Variants in AGBL1 observed in about 807,000 individuals in gnomAD.
The protein encoded by AGBL1 is cytosolic carboxypeptidase 4.
AGBL1 carries 130 observed loss-of-function variants against 118.9 expected under a neutral mutation model. The observed-to-expected ratio is 1.09, with a 90% CI of 0.95 to 1.26. The LOEUF is 1.26. Ranked by LOEUF, AGBL1 falls within the 50% of genes most tolerant of loss-of-function variation. The probability of loss-of-function intolerance (pLI) is 0.00; values close to 1 mark genes in which losing one functional copy is unlikely to be tolerated. For missense variants in AGBL1, 1,584 were observed against 1,298.1 expected, an observed-to-expected ratio of 1.22 and a Z score of -3.38; for synonymous variants, 555 against 478.9, an observed-to-expected ratio of 1.16 and a Z score of -2.08.
intron 22 of AGBL1, among the ~76,000 whole-genome samples, chr15:86,879,233 T>C (rs186330802): frequency 2.0e-5 from 3 of 152,326 alleles, no homozygotes; most frequent in Admixed American, 2.0e-4. Flanking sequence ...CTAATTTTCA[T>C]TTATGCCAAT....
intron 21 of AGBL1, among the ~76,000 whole-genome samples, chr15:86,591,376 G>A (rs888071222): frequency 6.6e-6 from 1 of 152,150 alleles, no homozygotes; most frequent in African/African-American, 2.4e-5. Context: ...AGTGCCAGAT[G>A]CCACAGATCA....
intron 22 of AGBL1, among the ~76,000 whole-genome samples, chr15:86,770,644 G>A (rs1336343941): frequency 6.6e-6 from 1 of 151,900 alleles, no homozygotes; most frequent in Non-Finnish European, 1.5e-5. Context: ...GGTGAGTTTT[G>A]AGCTGAACTT....
chr15:86,666,109 T>C (rs10852078), intron 21 of AGBL1, among the ~76,000 whole-genome samples: 64,820 of 151,860 alleles, frequency 0.43, 14,252 homozygotes, highest in East Asian at 0.72. Context: ...TCCCCAGTGG[T>C]GTTCTGATTT....
intron 5 of AGBL1, among the ~76,000 whole-genome samples, chr15:86,211,290 G>T (rs1048609265): frequency 1.3e-5 from 2 of 152,200 alleles, no homozygotes; most frequent in African/African-American, 4.8e-5. Context: ...GCTACACAGG[G>T]GTCAGGGATC....
At chr15:86,254,152 C>T (rs74025057) in intron 7 of AGBL1, among the ~76,000 whole-genome samples, 1,882 of 152,312 alleles carry the variant, frequency 0.012, 48 homozygotes, top group African/African-American at 0.044. Context: ...CTCTGCTCTG[C>T]GTAGCAGTGA....
chr15:86,180,613 A>G (rs887264673), intron 5 of AGBL1, among the ~76,000 whole-genome samples: 9 of 152,136 alleles, frequency 5.9e-5, no homozygotes, highest in African/African-American at 2.2e-4. Flanking sequence ...ATCTTCAGCT[A>G]GGCAAAAATT....
intron 21 of AGBL1, among the ~76,000 whole-genome samples, chr15:86,662,571 A>C (rs1293200344): frequency 6.6e-6 from 1 of 152,134 alleles, no homozygotes; most frequent in Non-Finnish European, 1.5e-5. Context: ...CTGGTCTATG[A>C]GCTTTTGATT....
intron 16 of AGBL1, among the ~76,000 whole-genome samples, chr15:86,293,306 C>T (rs944590133): frequency 1.1e-4 from 16 of 152,102 alleles, no homozygotes; most frequent in African/African-American, 3.4e-4. Context: ...TCTCACTGGG[C>T]GAAGACCAGG....
At chr15:86,110,663 T>C (rs1897324307) in intron 1 of AGBL1, among the ~76,000 whole-genome samples, 1 of 152,178 alleles carries the variant, frequency 6.6e-6, no homozygotes, top group Non-Finnish European at 1.5e-5. Flanking sequence ...AAGAACTAGC[T>C]GTGTGACCTA....
At chr15:86,646,137 T>G (rs1305044137) in intron 21 of AGBL1, among the ~76,000 whole-genome samples, 1 of 150,496 alleles carries the variant, frequency 6.6e-6, no homozygotes, top group African/African-American at 2.4e-5. Context: ...GCTGAATCAT[T>G]TACTTTTTCT....
chr15:86,473,403 G>A (rs1004792003), intron 18 of AGBL1, among the ~76,000 whole-genome samples: 1 of 152,068 alleles, frequency 6.6e-6, no homozygotes, highest in Non-Finnish European at 1.5e-5. Flanking sequence ...TTGATTTCCA[G>A]TAAATACAAA....
At chr15:86,617,092 C>G in intron 21 of AGBL1, among the ~76,000 whole-genome samples, 1 of 152,166 alleles carries the variant, frequency 6.6e-6, no homozygotes, top group South Asian at 2.1e-4. Context: ...TCCTCAAGTC[C>G]CTTCTTAGCC....
intron 17 of AGBL1, among the ~76,000 whole-genome samples, chr15:86,326,305 A>G (rs1213715935): frequency 6.6e-6 from 1 of 152,190 alleles, no homozygotes; most frequent in East Asian, 1.9e-4. Context: ...ATCAGTCTAC[A>G]CTAGCCATGA....
At chr15:86,088,261 C>G (rs1334018486) in intron 1 of AGBL1, 2 of 152,230 alleles carry the variant, frequency 1.3e-5, no homozygotes, top group Non-Finnish European at 2.9e-5. Context: ...TGATGGAGCA[C>G]GAGGTGGTAA....
At chr15:86,300,606 G>C (rs1347561439) in intron 17 of AGBL1, among the ~76,000 whole-genome samples, 4 of 152,076 alleles carry the variant, frequency 2.6e-5, no homozygotes, top group Admixed American at 2.6e-4. Context: ...CCGCCACCCT[G>C]CATTTATTAT....
intron 17 of AGBL1, among the ~76,000 whole-genome samples, chr15:86,336,200 A>C (rs2141872564): frequency 6.6e-6 from 1 of 152,330 alleles, no homozygotes; most frequent in East Asian, 1.9e-4. Flanking sequence ...GTTTGCACGG[A>C]GCAGAGGTGC....
chr15:86,268,909 AT>A (rs1393683174), intron 13 of AGBL1, among the ~76,000 whole-genome samples: 3 of 152,220 alleles, frequency 2.0e-5, no homozygotes, highest in Non-Finnish European at 1.5e-5. Context: ...GGGCAAAAAC[AT>A]TTTCCTTTTC....
chr15:86,792,657 A>G (rs1476958431), intron 22 of AGBL1, among the ~76,000 whole-genome samples: 3 of 152,078 alleles, frequency 2.0e-5, no homozygotes, highest in Non-Finnish European at 4.4e-5. Context: ...ATTTAACAAT[A>G]TTAGCGGGGT....
intron 6 of AGBL1, among the ~76,000 whole-genome samples, chr15:86,229,425 C>T (rs145528780): frequency 6.6e-6 from 1 of 152,290 alleles, no homozygotes; most frequent in East Asian, 1.9e-4. Flanking sequence ...TGAGAACTCA[C>T]TCACTATCAG....
Sources: gnomAD v4.1 joint callset for allele counts (sites outside exome capture counted in the v4.1 genomes callset) on GRCh38, gnomAD v4.1.1 for gene constraint, MANE v1.5 for transcripts, NCBI Gene and HGNC (gene_info 2026-07-23, HGNC 2026-07-21) for gene names.